RBBP8: variants seen among roughly 807,000 people sequenced by gnomAD.
RBBP8 encodes the protein RB binding protein 8, endonuclease, also known as DNA endonuclease RBBP8.
A neutral mutation model predicts 108.3 loss-of-function variants in RBBP8; 88 were observed. The observed-to-expected ratio is 0.81, with a 90% confidence interval of 0.68 to 0.97. The LOEUF (loss-of-function observed/expected upper bound fraction) is 0.97, where lower values mean the gene tolerates loss of function less well. Among genes scored for constraint, RBBP8 ranks in the 50% least tolerant of loss-of-function variants. The pLI is 0.00. For missense variants in RBBP8, 1,023 were observed against 1,049.0 expected, an observed-to-expected ratio of 0.98 and a Z score of 0.34; for synonymous variants, 332 against 348.2, an observed-to-expected ratio of 0.95 and a Z score of 0.52.
At chr18:22,991,376 A>G (rs563506426) in intron 10 of RBBP8, among the ~76,000 whole-genome samples, 1 of 152,330 alleles carries the variant, frequency 6.6e-6, no homozygotes, top group South Asian at 2.1e-4. Flanking sequence ...TACAAAATGC[A>G]TCTAGAAGCT....
intron 4 of RBBP8, among the ~76,000 whole-genome samples, chr18:22,950,365 G>A (rs369046967): frequency 1.3e-3 from 191 of 152,168 alleles, no homozygotes; most frequent in African/African-American, 3.9e-3. Context: ...TGGGAGGATC[G>A]CCTGAGGCCA....
chr18:22,997,685 C>T lies in RBBP8; in HGVS notation c.2094C>T (p.Thr698=), dbSNP rs1047200024. The change falls in exon 14 of 19, where the codon ACC becomes ACT. Residue 698 remains threonine, a synonymous_variant. Coordinates refer to ENST00000327155, the MANE Select transcript of RBBP8 (RefSeq NM_002894.3). ...TGGACTGTACATTGGTTAGTGAAAC[C>T]GTTCTCTTAAAAATGAAGAAGCAAG... ...VDMDCTLVSE[T]VLLKMKKQEQ... 1.9e-6 allele frequency: 3 copies of T among 1,609,414 alleles called. No homozygotes were observed. Among genetic ancestry groups the T allele is most frequent in the South Asian group, 1.1e-5 (1 of 90,340 alleles).
chr18:22,989,113 AAGTGTG>A, intron 8 of RBBP8, 102 bp from the exon 9 acceptor site: 1 of 758,580 alleles, frequency 1.3e-6, no homozygotes, highest in South Asian at 1.6e-5. Context: ...CCATCTTATG[AAGTGTG>A]AGCCTTTTCC....
chr18:22,969,331 A>G (rs991376922), intron 5 of RBBP8, among the ~76,000 whole-genome samples: 3 of 152,134 alleles, frequency 2.0e-5, no homozygotes, highest in African/African-American at 7.2e-5. Flanking sequence ...TTTCATAAGT[A>G]TACTATTTTC....
Position 23,005,439 on chromosome 18 carries a change from A to C in RBBP8, c.2288-924A>C, listed in dbSNP as rs564816962. On this transcript the variant is annotated intron_variant, in intron 15 of 18. Coordinates refer to ENST00000327155, the MANE Select transcript of RBBP8 (RefSeq NM_002894.3). ...AATTTTTTTTATTTTTTTGAGACGGAGTCTTGCTCTGTTGCCAGGCTGGAG... is the reference window on the plus strand; with the variant it reads ...AATTTTTTTTATTTTTTTGAGACGGCGTCTTGCTCTGTTGCCAGGCTGGAG... Among the ~76,000 whole-genome samples, 16 of 152,102 alleles carry C rather than the reference A, an allele frequency of 1.1e-4. No homozygotes were observed. In the South Asian group the frequency reaches 2.5e-3, roughly 24 times the overall value.
At chr18:22,946,674 G>A (rs1382386345) in intron 3 of RBBP8, among the ~76,000 whole-genome samples, 188 bp downstream of exon 3, 4 of 151,630 alleles carry the variant, frequency 2.6e-5, no homozygotes, top group Admixed American at 2.6e-4. Flanking sequence ...AAATTCTAAA[G>A]TAAAAAGAAT....
chr18:22,924,034 T>C (rs913967610), intron 3 of RBBP8, among the ~76,000 whole-genome samples: 6 of 152,170 alleles, frequency 3.9e-5, no homozygotes, highest in Admixed American at 2.0e-4. Context: ...CAGTTTATTT[T>C]CAGCTCTGAG....
At chr18:23,006,198 A>T (rs1347890686) in intron 15 of RBBP8, among the ~76,000 whole-genome samples, 165 bp from the exon 16 acceptor site, 1 of 152,106 alleles carries the variant, frequency 6.6e-6, no homozygotes, top group African/African-American at 2.4e-5. Flanking sequence ...AAAAAAAAAA[A>T]AATAGTTACA....
intron 2 of RBBP8, among the ~76,000 whole-genome samples, chr18:22,937,628 G>A (rs749590018): frequency 9.6e-4 from 144 of 150,624 alleles, no homozygotes; most frequent in South Asian, 2.3e-3. Flanking sequence ...ATAGGCACAC[G>A]CTGCCATGCC....
At chr18:22,938,122 C>T (rs1172194419) in intron 2 of RBBP8, among the ~76,000 whole-genome samples, 2 of 151,828 alleles carry the variant, frequency 1.3e-5, no homozygotes, top group Non-Finnish European at 2.9e-5. Context: ...CTGCTGTGCC[C>T]AGCTGATCTT....
intron 16 of RBBP8, 128 bp from the exon 17 acceptor site, chr18:23,016,700 A>C (rs1425039691): frequency 5.4e-6 from 4 of 740,262 alleles, no homozygotes; most frequent in Non-Finnish European, 7.1e-6. Flanking sequence ...GCACTTAATA[A>C]GTATTTGACG....
At chr18:22,972,063 C>T (rs759691387) in intron 5 of RBBP8, among the ~76,000 whole-genome samples, 1 of 151,226 alleles carries the variant, frequency 6.6e-6, no homozygotes, top group Non-Finnish European at 1.5e-5. Flanking sequence ...CTGTTACGAT[C>T]CAAAGAATTA....
chr18:23,012,646 C>T (rs900448520), intron 16 of RBBP8, among the ~76,000 whole-genome samples: 1 of 152,174 alleles, frequency 6.6e-6, no homozygotes, highest in Non-Finnish European at 1.5e-5. Flanking sequence ...AGGAAAGAAG[C>T]CATGTCCATA....
intron 3 of RBBP8, among the ~76,000 whole-genome samples, chr18:22,919,415 G>T (rs1012341602): frequency 6.6e-6 from 1 of 152,154 alleles, no homozygotes; most frequent in Non-Finnish European, 1.5e-5. Flanking sequence ...TTTACAAAAA[G>T]CTTTCTGCTG....
intron 3 of RBBP8, among the ~76,000 whole-genome samples, chr18:22,926,879 T>A (rs1474862155): frequency 4.6e-5 from 7 of 152,336 alleles, no homozygotes; most frequent in African/African-American, 1.7e-4. Flanking sequence ...GCTGACATCT[T>A]CCACCAATGT....
Position 22,996,376 on chromosome 18 carries a change from GTATCCTTTGAAA to G in RBBP8, c.1943_1954del (p.Val648_Asn652delinsAsp). 1 of 1,613,384 alleles carries G rather than the reference GTATCCTTTGAAA, an allele frequency of 6.2e-7. No homozygotes were observed. The highest frequency in any genetic ancestry group is 8.5e-7 in the Non-Finnish European group (1 of 1,179,800). On this transcript the variant is annotated inframe_deletion, in exon 13 of 19. Coordinates refer to ENST00000327155, the MANE Select transcript of RBBP8 (RefSeq NM_002894.3). ...CATGCTCTTTCCCTTTACCTAAGAT[GTATCCTTTGAAA>G]ATATCCAGTGGAGTATAGATCCGGG...
rs1914979579 is a variant in RBBP8 at position 22,982,248 on chromosome 18, T to G, written c.459T>G (p.Leu153=). The G allele has an allele frequency of 6.2e-7, 1 of 1,613,984 alleles. No individual in the cohort carries two copies. Among genetic ancestry groups the G allele is most frequent in the African/African-American group, 1.3e-5 (1 of 74,916 alleles). The change falls in exon 7 of 19, where the codon CTT becomes CTG. Residue 153 remains leucine (L), a synonymous_variant. Transcript: ENST00000327155. ...ATCAACAGCATCAAGCAGCTGAGCT[T>G]GAATGTGAGGAAGACGTTATTCCAG... ...ENDQQHQAAE[L]ECEEDVIPDS...
At chr18:22,945,298 A>G (rs1469492742) in intron 2 of RBBP8, among the ~76,000 whole-genome samples, 1 of 152,216 alleles carries the variant, frequency 6.6e-6, no homozygotes, top group South Asian at 2.1e-4. Flanking sequence ...GGGCACAGCA[A>G]TATTCAACAG....
chr18:23,010,617 C>T (rs1001563989), intron 16 of RBBP8, among the ~76,000 whole-genome samples: 5 of 151,996 alleles, frequency 3.3e-5, no homozygotes, highest in Admixed American at 6.6e-5. Context: ...AAAGAACTGT[C>T]ATTTTAAATG....
Sources: gnomAD v4.1 joint callset for allele counts (sites outside exome capture counted in the v4.1 genomes callset) on GRCh38, gnomAD v4.1.1 for gene constraint, MANE v1.5 for transcripts, NCBI Gene and HGNC (gene_info 2026-07-23, HGNC 2026-07-21) for gene names.